Variants in SND1 observed in about 807,000 individuals in gnomAD.
SND1 encodes staphylococcal nuclease and tudor domain containing 1.
In SND1, 38 loss-of-function variants were observed where a neutral mutation model predicts 121.7. That is an observed-to-expected ratio of 0.31 (90% CI 0.24 to 0.41). The LOEUF (loss-of-function observed/expected upper bound fraction) is 0.41, where lower values mean the gene tolerates loss of function less well. SND1 is among the 10% of genes least tolerant of loss of function. The pLI, the probability that SND1 is intolerant of heterozygous loss-of-function variation, is 1.00. For synonymous variants in SND1, 401 were observed against 447.4 expected, an observed-to-expected ratio of 0.90 and a Z score of 1.31; for missense variants, 868 against 1,184.6, an observed-to-expected ratio of 0.73 and a Z score of 3.92.
At chr7:127,932,582 AGTGAATG>A (rs1225699325) in intron 15 of SND1, among the ~76,000 whole-genome samples, 1 of 152,242 alleles carries the variant, frequency 6.6e-6, no homozygotes, top group Non-Finnish European at 1.5e-5. Flanking sequence ...GAAGTTCTAC[AGTGAATG>A]AAATGCTATC....
At chr7:127,709,476 G>A (rs1796261892) in intron 9 of SND1, among the ~76,000 whole-genome samples, 1 of 152,186 alleles carries the variant, frequency 6.6e-6, no homozygotes, top group Admixed American at 6.5e-5. Context: ...AGAATATTTT[G>A]AAGAGTTTTG....
intron 11 of SND1, among the ~76,000 whole-genome samples, chr7:127,831,034 G>A (rs1798729143): frequency 6.6e-6 from 1 of 152,170 alleles, no homozygotes; most frequent in Non-Finnish European, 1.5e-5. Flanking sequence ...GACTTCTGAT[G>A]CCACACCCTG....
rs111644180 is a variant in SND1, at chr7:127,673,106, G to A, written c.79-13507G>A. On this transcript the variant is annotated intron_variant, in intron 1 of 23. Transcript: ENST00000354725. ...CATTATTTAGTAATATATATCCTTC[G>A]GTAGGAGATAGCTAAACTATATATT... 6.6e-3 allele frequency among the ~76,000 whole-genome samples: 966 copies of A among 147,132 alleles called. 12 individuals are homozygous for A. Among genetic ancestry groups the A allele is most frequent in the Non-Finnish European group, 8.4e-3 (561 of 67,068 alleles).
intron 10 of SND1, among the ~76,000 whole-genome samples, chr7:127,757,341 T>C (rs1410025479): frequency 1.3e-5 from 2 of 152,224 alleles, no homozygotes; most frequent in Admixed American, 1.3e-4. Flanking sequence ...TCATTTAGAT[T>C]GTTTCCAGCC....
intron 14 of SND1, among the ~76,000 whole-genome samples, chr7:127,919,651 G>GT (rs1480726489): frequency 1.3e-5 from 2 of 152,152 alleles, no homozygotes; most frequent in East Asian, 1.9e-4. Context: ...TGTAAGCTAT[G>GT]TTTTTAGCCC....
At position 128,042,801 on chromosome 7, in the gene SND1, GC is replaced by G. The variant is rs576731810; in HGVS notation, c.1780-31700del. On this transcript the variant is annotated intron_variant, in intron 16 of 23. Coordinates refer to ENST00000354725, the MANE Select transcript of SND1 (RefSeq NM_014390.4). ...GCCTGATGGGAGACCAGGCCTGTCA[GC>G]ACCACCACCAACCCTGTCTTGTTTT... Among the ~76,000 whole-genome samples the G allele has an allele frequency of 8.6e-4, 131 of 152,344 alleles. 2 individuals are homozygous for G. Among genetic ancestry groups the G allele is most frequent in the African/African-American group, 3.1e-3 (128 of 41,584 alleles).
intron 10 of SND1, among the ~76,000 whole-genome samples, chr7:127,767,654 T>C (rs908067259): frequency 7.2e-5 from 11 of 152,220 alleles, no homozygotes; most frequent in Non-Finnish European, 2.9e-5. Flanking sequence ...TTCTAACAAA[T>C]CTATTAATTC....
chr7:127,903,460 G>T (rs1169598855), intron 13 of SND1, among the ~76,000 whole-genome samples: 2 of 152,134 alleles, frequency 1.3e-5, no homozygotes, highest in Non-Finnish European at 2.9e-5. Flanking sequence ...TTATTTTCTT[G>T]TTAATTCAGT....
intron 16 of SND1, among the ~76,000 whole-genome samples, chr7:128,008,302 A>AG (rs764436065): frequency 6.6e-6 from 1 of 152,194 alleles, no homozygotes; most frequent in African/African-American, 2.4e-5. Flanking sequence ...CGTGTGCTAG[A>AG]GGAGGAGTAC....
intron 15 of SND1, among the ~76,000 whole-genome samples, chr7:127,941,682 C>T (rs1801206106): frequency 6.6e-6 from 1 of 152,140 alleles, no homozygotes; most frequent in African/African-American, 2.4e-5. Context: ...ACTGATATAC[C>T]AGTTCGCTCA....
chr7:127,691,758 G>A (rs1000744138), intron 2 of SND1, among the ~76,000 whole-genome samples: 3 of 149,764 alleles, frequency 2.0e-5, no homozygotes, highest in Admixed American at 6.6e-5. Context: ...GATTGCAGGC[G>A]TGCGCCAACA....
At chr7:127,846,435 T>C (rs1447648172) in intron 12 of SND1, among the ~76,000 whole-genome samples, 1 of 152,152 alleles carries the variant, frequency 6.6e-6, no homozygotes, top group Non-Finnish European at 1.5e-5. Flanking sequence ...AACTATAGTT[T>C]GTGGTTAAAT....
chr7:128,057,211 C>T (rs1793157457), intron 16 of SND1, among the ~76,000 whole-genome samples: 1 of 152,168 alleles, frequency 6.6e-6, no homozygotes, highest in Non-Finnish European at 1.5e-5. Context: ...CCTTTATATA[C>T]TCTGTGGTGC....
At chr7:127,975,366 T>A (rs1163987043) in intron 15 of SND1, among the ~76,000 whole-genome samples, 4 of 150,232 alleles carry the variant, frequency 2.7e-5, no homozygotes, top group Non-Finnish European at 5.9e-5. Flanking sequence ...CGTGTGTATG[T>A]GAGAGATTGA....
At chr7:127,656,299 C>A (rs1305961203) in intron 1 of SND1, among the ~76,000 whole-genome samples, 1 of 149,682 alleles carries the variant, frequency 6.7e-6, no homozygotes, top group Non-Finnish European at 1.5e-5. Flanking sequence ...AGGTTTCTTT[C>A]TTTTTCTTTT....
chr7:127,766,563 C>G (rs1387230295), intron 10 of SND1, among the ~76,000 whole-genome samples: 2 of 151,904 alleles, frequency 1.3e-5, no homozygotes, highest in Admixed American at 6.6e-5. Context: ...ATCACGAGGT[C>G]AGGAGATCAA....
chr7:127,840,643 A>G (rs1010689486), intron 11 of SND1, among the ~76,000 whole-genome samples: 8 of 152,206 alleles, frequency 5.3e-5, no homozygotes, highest in East Asian at 1.9e-4. Context: ...TGTTAAAACC[A>G]TGGTTCTTTT....
chr7:127,938,683 G>A (rs527938805), intron 15 of SND1, among the ~76,000 whole-genome samples: 1 of 152,194 alleles, frequency 6.6e-6, no homozygotes, highest in Non-Finnish European at 1.5e-5. Flanking sequence ...TTGTATTGGT[G>A]TGTAAATCTC....
intron 15 of SND1, among the ~76,000 whole-genome samples, chr7:127,964,098 GTTGT>G (rs1801799765): frequency 6.7e-6 from 1 of 149,006 alleles, no homozygotes; most frequent in Non-Finnish European, 1.5e-5. Flanking sequence ...TTTTGATGGG[GTTGT>G]TTGTTTTTTT....
Sources: allele counts gnomAD v4.1 joint callset (sites outside exome capture counted in the v4.1 genomes callset), GRCh38; gene constraint gnomAD v4.1.1; transcripts MANE v1.5; gene names NCBI Gene and HGNC (gene_info 2026-07-23, HGNC 2026-07-21).